AP4S1: variants seen among roughly 807,000 people sequenced by gnomAD.
The protein encoded by AP4S1 is AP-4 complex subunit sigma-1.
In AP4S1, 23 loss-of-function variants were observed where a neutral mutation model predicts 19.8. The observed-to-expected ratio is 1.16, with a 90% confidence interval of 0.84 to 1.65. The LOEUF is 1.65. Among genes scored for constraint, AP4S1 ranks in the 40% most tolerant of loss-of-function variants. The pLI is 0.00. For synonymous variants in AP4S1, 46 were observed against 54.1 expected (o/e 0.85, Z 0.66); for missense variants, 166 against 172.8 (o/e 0.96, Z 0.22).
rs140217460 is a variant in AP4S1, at chr14:31,062,783, C to T, written c.-71-3343C>T. On this transcript the variant is annotated intron_variant, in intron 1 of 5. Transcript: ENST00000542754. Reference sequence around the variant, plus strand: ...GAGATCAAGACCATCCTGGCTAACACGGTGAAACCCTGTCTCTACTGAAAA... The same window carrying T: ...GAGATCAAGACCATCCTGGCTAACATGGTGAAACCCTGTCTCTACTGAAAA... Among the ~76,000 whole-genome samples the T allele has an allele frequency of 3.0e-3, 456 of 151,492 alleles. 2 individuals carry two copies. The highest frequency in any genetic ancestry group is 0.01 in the African/African-American group (423 of 41,286).
chr14:31,040,141 T>C (rs1885025333), intron 1 of AP4S1, among the ~76,000 whole-genome samples: 1 of 140,208 alleles, frequency 7.1e-6, no homozygotes, highest in Admixed American at 8.2e-5. Context: ...GTCAAATTAC[T>C]CTGCATCTTT....
At chr14:31,041,091 G>A (rs1458966402) in intron 1 of AP4S1, among the ~76,000 whole-genome samples, 1 of 141,900 alleles carries the variant, frequency 7.0e-6, no homozygotes, top group Non-Finnish European at 1.6e-5. Flanking sequence ...AAAAAAAAAA[G>A]TACGCAAATT....
At chr14:31,079,511 A>G (rs1887528105) in intron 4 of AP4S1, among the ~76,000 whole-genome samples, 1 of 152,102 alleles carries the variant, frequency 6.6e-6, no homozygotes, top group Non-Finnish European at 1.5e-5. Context: ...CTGTGAACCT[A>G]AAACTGCTCT....
chr14:31,072,982 A>G lies in AP4S1; in HGVS notation c.294+9A>G. The G allele has an allele frequency of 6.2e-7, 1 of 1,611,946 alleles. No individual in the cohort carries two copies. ...AGTATTTCAGCCGAGTGGTAAGTCT[A>G]ATGGCTAAAAAATGGTTTACTTCCT... On this transcript the variant is annotated intron_variant, in intron 4 of 5. Transcript: ENST00000542754.
chr14:31,066,349 C>A lies in AP4S1; in HGVS notation c.138+15C>A. The A allele has an allele frequency of 6.2e-7, 1 of 1,613,804 alleles. No individual in the cohort carries two copies. Among genetic ancestry groups the A allele is most frequent in the South Asian group, 1.1e-5 (1 of 91,040 alleles). ...CCAATGAACAAGTAAGTCTCTGGTT[C>A]TCTCTTTTATCTCTGCATTCAACTC... On this transcript the variant is annotated intron_variant, in intron 2 of 5. Coordinates refer to ENST00000542754, the MANE Select transcript of AP4S1 (RefSeq NM_001128126.3).
intron 1 of AP4S1, among the ~76,000 whole-genome samples, chr14:31,031,788 G>A (rs1187105877): frequency 2.0e-5 from 3 of 152,244 alleles, no homozygotes; most frequent in Non-Finnish European, 2.9e-5. Context: ...GCTCACGTTC[G>A]AAACTTCCTA....
In AP4S1 at chr14:31,066,750, C is replaced by A. The variant is rs550568325; in HGVS notation, c.138+416C>A. Among the ~76,000 whole-genome samples, 42 of 152,184 alleles carry A rather than the reference C, an allele frequency of 2.8e-4. 2 individuals are homozygous for A. In the South Asian group the frequency reaches 8.5e-3, roughly 31 times the overall value. ...TTGGTGTAGAGGTGAATACTGAAGA[C>A]CCATTTTGTGCCAGAGGATAATAAT... On this transcript the variant is annotated intron_variant, in intron 2 of 5. Transcript: ENST00000542754.
chr14:31,039,183 C>G (rs993448972), intron 1 of AP4S1, among the ~76,000 whole-genome samples: 7 of 151,734 alleles, frequency 4.6e-5, no homozygotes, highest in African/African-American at 1.7e-4. Context: ...GTAGCTTTTA[C>G]TTTTTCTTTA....
intron 5 of AP4S1, among the ~76,000 whole-genome samples, chr14:31,082,803 G>A (rs1042836619): frequency 2.6e-5 from 4 of 152,064 alleles, no homozygotes; most frequent in African/African-American, 4.8e-5. Context: ...GGCTGAGGCA[G>A]GAGAATGGCG....
chr14:31,085,666 G>C (rs1887890855), intron 5 of AP4S1: 1 of 639,870 alleles, frequency 1.6e-6, no homozygotes, highest in African/African-American at 2.0e-5. Flanking sequence ...CCAACTACTA[G>C]GGAGGCTGAG....
At position 31,086,835 on chromosome 14, in the gene AP4S1, A is replaced by G. The variant is rs1887931348; in HGVS notation, c.307-6072A>G. Among the ~76,000 whole-genome samples the G allele has an allele frequency of 2.6e-5, 4 of 152,106 alleles. No homozygotes were observed. The South Asian group carries it at 8.3e-4, about 32-fold the overall frequency. On this transcript the variant is annotated intron_variant, in intron 5 of 5. Coordinates refer to ENST00000542754, the MANE Select transcript of AP4S1 (RefSeq NM_001128126.3). The stretch of plus-strand genomic sequence containing the variant: ...GGAGAAACCTACACAATCATCAGGT[A>G]AAAACCTCACTTTTAAAAATTAATG...
intron 5 of AP4S1, chr14:31,085,509 C>T (rs1350774292): frequency 8.1e-6 from 8 of 985,824 alleles, no homozygotes; most frequent in Middle Eastern, 5.2e-4. Flanking sequence ...CACAGTGGCT[C>T]ACGCCAGTAA....
chr14:31,051,224 C>A (rs186787179), intron 1 of AP4S1, among the ~76,000 whole-genome samples: 5 of 151,166 alleles, frequency 3.3e-5, no homozygotes, highest in Non-Finnish European at 5.9e-5. Context: ...CCACTGCACT[C>A]CAGCCTAGGT....
intron 1 of AP4S1, among the ~76,000 whole-genome samples, chr14:31,033,938 G>A (rs1365185828): frequency 6.6e-6 from 1 of 152,222 alleles, no homozygotes; most frequent in Non-Finnish European, 1.5e-5. Flanking sequence ...CTAACTCATA[G>A]AGATGTCAAA....
chr14:31,075,718 C>T (rs980270591), intron 4 of AP4S1, among the ~76,000 whole-genome samples: 6 of 150,448 alleles, frequency 4.0e-5, no homozygotes, highest in African/African-American at 1.5e-4. Context: ...AGATGATATT[C>T]CATTGTATGG....
rs542199833 is a variant in AP4S1 at position 31,070,069 on chromosome 14, A to C, written c.225+140A>C. On this transcript the variant is annotated intron_variant, in intron 3 of 5. Coordinates refer to ENST00000542754, the MANE Select transcript of AP4S1 (RefSeq NM_001128126.3). ...GAGTGCCGTGGCATGATCTCAGCTC[A>C]CTGCAACCTCCACCTCCCAGGTTGA... 18 of 732,134 alleles carry C rather than the reference A, an allele frequency of 2.5e-5. No homozygotes were observed. In the East Asian group the frequency reaches 4.3e-4, roughly 17 times the overall value. The allele number at this position is 732,134 out of a possible 1,614,324, so 45.4% of individuals were successfully genotyped here.
At chr14:31,073,175 T>TAAAAA in intron 4 of AP4S1, 2 of 515,292 alleles carry the variant, frequency 3.9e-6, no homozygotes, top group Non-Finnish European at 6.9e-6. Flanking sequence ...GAGATCTTTA[T>TAAAAA]AAAGAACTGG....
intron 5 of AP4S1, chr14:31,083,773 GT>G (rs1370777551): frequency 3.0e-6 from 1 of 333,434 alleles, no homozygotes; most frequent in Non-Finnish European, 5.9e-6. Context: ...GCCTCCCAAA[GT>G]GTTGACATTC....
intron 1 of AP4S1, among the ~76,000 whole-genome samples, chr14:31,042,639 G>T (rs1052069374): frequency 6.6e-6 from 1 of 152,038 alleles, no homozygotes; most frequent in Non-Finnish European, 1.5e-5. Context: ...AGTTTTTCTC[G>T]CCAGCCTGGA....
Sources: allele counts gnomAD v4.1 joint callset (sites outside exome capture counted in the v4.1 genomes callset), GRCh38; gene constraint gnomAD v4.1.1; transcripts MANE v1.5; gene names NCBI Gene and HGNC (gene_info 2026-07-23, HGNC 2026-07-21).